The following ISM1 variants were observed in gnomAD, a reference collection of about 807,000 sequenced individuals.
The protein encoded by ISM1 is isthmin 1, also known as isthmin-1.
ISM1 carries 25 observed loss-of-function variants against 46.3 expected under a neutral mutation model. The ratio of observed to expected loss-of-function variants is 0.54; its 90% confidence interval spans 0.39 to 0.75. ISM1 has a LOEUF of 0.75. Ranked by LOEUF, ISM1 falls within the 30% of genes least tolerant of loss-of-function variation. ISM1 has a pLI of 0.00. For synonymous variants in ISM1, 255 were observed against 256.7 expected (o/e 0.99, Z 0.06); for missense variants, 536 against 625.4 (o/e 0.86, Z 1.52).
At chr20:13,307,196 T>A in the ISM1 span, among the ~76,000 whole-genome samples, 1 of 151,820 alleles carries the variant, frequency 6.6e-6, no homozygotes, top group East Asian at 1.9e-4. Flanking sequence ...CCCCACAGCA[T>A]TCCTCCCATC....
the ISM1 span, among the ~76,000 whole-genome samples, chr20:13,312,257 C>T: frequency 6.6e-6 from 1 of 152,150 alleles, no homozygotes; most frequent in Admixed American, 6.5e-5. Flanking sequence ...CCTACAAAGC[C>T]ATGCACATGT....
At chr20:13,232,940 G>A (rs940813304) in intron 1 of ISM1, among the ~76,000 whole-genome samples, 5 of 151,910 alleles carry the variant, frequency 3.3e-5, no homozygotes, top group Non-Finnish European at 7.4e-5. Flanking sequence ...CATGGGTCTC[G>A]ATTCTCCAAG....
intron 5 of ISM1, among the ~76,000 whole-genome samples, chr20:13,293,571 A>G (rs894885297): frequency 4.0e-5 from 6 of 151,616 alleles, no homozygotes; most frequent in African/African-American, 1.5e-4. Flanking sequence ...TCAAATGCCT[A>G]TTGGGGTCAG....
chr20:13,318,709 T>C, the ISM1 span, among the ~76,000 whole-genome samples: 1 of 152,200 alleles, frequency 6.6e-6, no homozygotes, highest in Non-Finnish European at 1.5e-5. Context: ...TAATAAGAAA[T>C]GAGCCGTCAA....
At chr20:13,246,476 C>G (rs1389479372) in intron 1 of ISM1, among the ~76,000 whole-genome samples, 1 of 152,158 alleles carries the variant, frequency 6.6e-6, no homozygotes, top group East Asian at 1.9e-4. Context: ...GCTTACTCCT[C>G]TGTTATACCC....
the ISM1 span, among the ~76,000 whole-genome samples, chr20:13,318,160 T>TAAATAAATAAATAAATAAATAAAA: frequency 5.3e-3 from 806 of 151,220 alleles, 2 homozygotes; most frequent in Non-Finnish European, 7.5e-3. Flanking sequence ...AATAAATAAA[T>TAAATAAATAAATAAATAAATAAAA]AAAAATGAGC....
chr20:13,224,507 T>G (rs1289829194), intron 1 of ISM1, among the ~76,000 whole-genome samples: 1 of 152,186 alleles, frequency 6.6e-6, no homozygotes, highest in African/African-American at 2.4e-5. Flanking sequence ...TCATCTAAAT[T>G]TGTTGGTTCT....
At chr20:13,321,277 G>A in the ISM1 span, among the ~76,000 whole-genome samples, 1,008 of 74,876 alleles carry the variant, frequency 0.013, no homozygotes, top group Middle Eastern at 0.021. Flanking sequence ...AAAAAAAAAA[G>A]ATTTTATGAC....
At chr20:13,312,061 G>T in the ISM1 span, among the ~76,000 whole-genome samples, 1 of 151,826 alleles carries the variant, frequency 6.6e-6, no homozygotes, top group African/African-American at 2.4e-5. Context: ...TGTCAGTTAA[G>T]AATTAATTAA....
intron 1 of ISM1, among the ~76,000 whole-genome samples, chr20:13,264,529 C>T (rs1444625268): frequency 1.3e-5 from 2 of 152,212 alleles, no homozygotes; most frequent in African/African-American, 4.8e-5. Context: ...TGCCCTGTGG[C>T]TTGGTTGTCC....
chr20:13,238,227 G>A, intron 1 of ISM1: 1 of 152,178 alleles, frequency 6.6e-6, no homozygotes, highest in East Asian at 1.9e-4. Flanking sequence ...ATGGGCCTGA[G>A]AGACTTCTAC....
Position 13,288,695 on chromosome 20 carries a change from T to C in ISM1, c.787+12T>C. On this transcript the variant is annotated intron_variant, in intron 4 of 5. Coordinates refer to ENST00000262487, the MANE Select transcript of ISM1 (RefSeq NM_080826.2). ...TCCAAACTGCCCAGGTGCGTTTACCTGAGTGTGTAGCTCCAAGTTCAAGGG... is the reference window on the plus strand; with the variant it reads ...TCCAAACTGCCCAGGTGCGTTTACCCGAGTGTGTAGCTCCAAGTTCAAGGG... 1 of 1,609,694 alleles carries C rather than the reference T, an allele frequency of 6.2e-7. No individual in the cohort carries two copies. Among genetic ancestry groups the C allele is most frequent in the South Asian group, 1.1e-5 (1 of 90,944 alleles).
At chr20:13,266,230 G>A (rs1265976300) in intron 1 of ISM1, among the ~76,000 whole-genome samples, 11 of 152,186 alleles carry the variant, frequency 7.2e-5, no homozygotes, top group Non-Finnish European at 1.0e-4. Context: ...ACATTGGGCA[G>A]GCAATTGCAA....
At chr20:13,232,602 C>G (rs751726670) in intron 1 of ISM1, among the ~76,000 whole-genome samples, 6 of 152,118 alleles carry the variant, frequency 3.9e-5, no homozygotes, top group Non-Finnish European at 8.8e-5. Flanking sequence ...AGGTATAAGC[C>G]TTTGTGTGAA....
intron 1 of ISM1, among the ~76,000 whole-genome samples, chr20:13,249,902 A>G (rs1406008507): frequency 6.6e-6 from 1 of 151,160 alleles, no homozygotes; most frequent in Non-Finnish European, 1.5e-5. Flanking sequence ...CTTTTTTCTC[A>G]TTTGCAAAAA....
chr20:13,283,061 C>T (rs2040254809), intron 3 of ISM1, among the ~76,000 whole-genome samples: 1 of 152,130 alleles, frequency 6.6e-6, no homozygotes, highest in South Asian at 2.1e-4. Context: ...TTTTTTAAGA[C>T]ATGGAGTCTT....
At position 13,234,738 on chromosome 20, in the gene ISM1, C is replaced by T. The variant is rs1463461453; in HGVS notation, c.138+12824C>T. 4.6e-5 allele frequency among the ~76,000 whole-genome samples: 7 copies of T among 151,926 alleles called. No homozygotes were observed. The East Asian group carries it at 1.3e-3, about 29-fold the overall frequency. ...AAGCATTTTTTCATATGTTTGTTGT[C>T]CTCTTGTATGTCTTCTTTTGAAAAA... On this transcript the variant is annotated intron_variant, in intron 1 of 5. Coordinates refer to ENST00000262487, the MANE Select transcript of ISM1 (RefSeq NM_080826.2).
rs531311417 is a variant in ISM1, at chr20:13,296,201, A to G, written c.878-2741A>G. Among the ~76,000 whole-genome samples, 415 of 152,120 alleles carry G rather than the reference A, an allele frequency of 2.7e-3. 1 individual carries two copies. The highest frequency in any genetic ancestry group is 6.5e-3 in the African/African-American group (268 of 41,532). On this transcript the variant is annotated intron_variant, in intron 5 of 5. Transcript: ENST00000262487. ...TGACCAGCCCACATTTCCTCCACCC[A>G]TAGCATGTCCCTGCACCTCCAACTG...
Position 13,292,390 on chromosome 20 carries a change from T to C in ISM1, c.804T>C (p.Phe268=), listed in dbSNP as rs1397485500. 1.0e-5 allele frequency: 16 copies of C among 1,603,434 alleles called. No individual in the cohort carries two copies. The highest frequency in any genetic ancestry group is 1.4e-5 in the Non-Finnish European group (16 of 1,174,548). The part of the protein sequence containing the change: ...RPNCPGIEDT[F]RTAATEVSLL... ...TGTGTTTAGGAATTGAAGACACTTTTAGGACAGCTGCCACCGAAGTGAGTC... is the reference window on the plus strand; with the variant it reads ...TGTGTTTAGGAATTGAAGACACTTTCAGGACAGCTGCCACCGAAGTGAGTC... The change falls in exon 5 of 6, where the codon TTT becomes TTC. Residue 268 remains phenylalanine, a synonymous_variant. Transcript: ENST00000262487.
Sources: gnomAD v4.1 joint callset for allele counts (sites outside exome capture counted in the v4.1 genomes callset) on GRCh38, gnomAD v4.1.1 for gene constraint, MANE v1.5 for transcripts, NCBI Gene and HGNC (gene_info 2026-07-23, HGNC 2026-07-21) for gene names.